Variants in MCC observed in about 807,000 individuals in gnomAD.
The protein encoded by MCC is colorectal mutant cancer protein.
In MCC, 90 loss-of-function variants were observed where a neutral mutation model predicts 116.2. The observed-to-expected ratio is 0.77, with a 90% CI of 0.65 to 0.92. MCC has a LOEUF of 0.92. MCC is among the 40% of genes least tolerant of loss of function. The pLI is 0.00. For synonymous variants in MCC, 578 were observed against 510.5 expected (o/e 1.13, Z -1.78); for missense variants, 1,516 against 1,312.2 (o/e 1.16, Z -2.40).
intron 3 of MCC, among the ~76,000 whole-genome samples, chr5:113,185,776 T>G (rs1482152400): frequency 6.6e-6 from 1 of 152,064 alleles, no homozygotes; most frequent in African/African-American, 2.4e-5. Context: ...TTAAAGAGAT[T>G]TAGGAATTCT....
At chr5:113,116,219 T>C (rs921869024) in intron 6 of MCC, among the ~76,000 whole-genome samples, 6 of 152,210 alleles carry the variant, frequency 3.9e-5, no homozygotes, top group African/African-American at 1.4e-4. Flanking sequence ...TGAGAGGATT[T>C]CCACGCCACC....
At chr5:113,436,426 G>C (rs763780289) in intron 1 of MCC, 3 of 152,194 alleles carry the variant, frequency 2.0e-5, no homozygotes, top group Non-Finnish European at 4.4e-5. Context: ...TAGAAAGTAG[G>C]GGTCAGGCAG....
At chr5:113,218,937 C>T (rs751123596) in intron 3 of MCC, among the ~76,000 whole-genome samples, 1 of 152,128 alleles carries the variant, frequency 6.6e-6, no homozygotes, top group Non-Finnish European at 1.5e-5. Context: ...TTCTCAACAT[C>T]GTATGGATAA....
chr5:113,081,613 A>G (rs1754862463), intron 11 of MCC, among the ~76,000 whole-genome samples: 1 of 152,196 alleles, frequency 6.6e-6, no homozygotes, highest in Non-Finnish European at 1.5e-5. Context: ...ACTTCATTAA[A>G]TTGCAAAGGG....
intron 3 of MCC, among the ~76,000 whole-genome samples, chr5:113,331,142 T>C (rs549716530): frequency 1.3e-5 from 2 of 148,150 alleles, no homozygotes; most frequent in African/African-American, 5.3e-5. Context: ...TGTGGAGAGG[T>C]TCTGGGTTCC....
At position 113,184,821 on chromosome 5, in the gene MCC, C is replaced by T. The variant is rs1290856098; in HGVS notation, c.628-33399G>A. Among the ~76,000 whole-genome samples, 3 of 152,250 alleles carry T rather than the reference C, an allele frequency of 2.0e-5. No individual in the cohort carries two copies. In the Middle Eastern group the frequency reaches 0.01, roughly 518 times the overall value. ...GTTAGAAGGCTAACAGCTTCAACTTCGCATCTCCAATTCTATAATTACCAA... is the reference window on the plus strand; with the variant it reads ...GTTAGAAGGCTAACAGCTTCAACTTTGCATCTCCAATTCTATAATTACCAA... On this transcript the variant is annotated intron_variant, in intron 3 of 18. Coordinates refer to ENST00000408903, the MANE Select transcript of MCC (RefSeq NM_001085377.2).
intron 3 of MCC, among the ~76,000 whole-genome samples, chr5:113,237,951 T>C (rs780846070): frequency 3.9e-4 from 59 of 152,156 alleles, no homozygotes; most frequent in Non-Finnish European, 5.0e-4. Flanking sequence ...TTTGGGGAGC[T>C]GGGGAGGGAA....
intron 6 of MCC, among the ~76,000 whole-genome samples, chr5:113,111,343 A>G (rs1388842984): frequency 6.6e-6 from 1 of 152,092 alleles, no homozygotes; most frequent in African/African-American, 2.4e-5. Context: ...AAAGCTCAGC[A>G]CGTTAGGTTC....
intron 17 of MCC, among the ~76,000 whole-genome samples, chr5:113,039,076 T>G (rs947446023): frequency 2.6e-5 from 4 of 151,942 alleles, no homozygotes; most frequent in African/African-American, 7.3e-5. Context: ...CTGGGTAGAG[T>G]GAAAGGCGAG....
intron 13 of MCC, among the ~76,000 whole-genome samples, chr5:113,064,789 G>T (rs1240222349): frequency 6.6e-6 from 1 of 152,144 alleles, no homozygotes; most frequent in Non-Finnish European, 1.5e-5. Flanking sequence ...AGAACATCAG[G>T]GTGTGGTGGG....
intron 8 of MCC, among the ~76,000 whole-genome samples, chr5:113,087,920 T>C (rs1755317741): frequency 6.6e-6 from 1 of 152,234 alleles, no homozygotes; most frequent in African/African-American, 2.4e-5. Context: ...GTGGAAAATG[T>C]AGATGACACT....
intron 3 of MCC, among the ~76,000 whole-genome samples, chr5:113,256,697 G>A (rs1452300044): frequency 1.3e-5 from 2 of 152,166 alleles, no homozygotes; most frequent in African/African-American, 4.8e-5. Context: ...AAGCCTGAGA[G>A]ACATCCAAAC....
At chr5:113,284,081 A>G (rs560099799) in intron 3 of MCC, among the ~76,000 whole-genome samples, 1 of 152,362 alleles carries the variant, frequency 6.6e-6, no homozygotes, top group South Asian at 2.1e-4. Context: ...TAATTGACTT[A>G]TGTTATCAGT....
intron 8 of MCC, among the ~76,000 whole-genome samples, chr5:113,089,069 C>A (rs1329203672): frequency 6.6e-6 from 1 of 152,160 alleles, no homozygotes. Context: ...CATTCAGCAC[C>A]CTTCACAGCC....
At chr5:113,487,960 C>T (rs1037521616) in intron 1 of MCC, among the ~76,000 whole-genome samples, 1 of 152,144 alleles carries the variant, frequency 6.6e-6, no homozygotes, top group Admixed American at 6.5e-5. Flanking sequence ...GAAGAACACT[C>T]CAAGCCCCCG....
chr5:113,126,914 G>A (rs2150273759), intron 5 of MCC, among the ~76,000 whole-genome samples: 1 of 152,160 alleles, frequency 6.6e-6, no homozygotes, highest in Non-Finnish European at 1.5e-5. Flanking sequence ...TACATGTGAG[G>A]GTTTGTTACG....
chr5:113,292,511 G>C (rs1766540388), intron 3 of MCC, among the ~76,000 whole-genome samples: 1 of 152,102 alleles, frequency 6.6e-6, no homozygotes, highest in Admixed American at 6.5e-5. Context: ...GGACTACAAA[G>C]CACTCTCAAC....
intron 3 of MCC, among the ~76,000 whole-genome samples, chr5:113,169,996 GC>G (rs1206307657): frequency 1.3e-5 from 2 of 152,096 alleles, no homozygotes; most frequent in Non-Finnish European, 2.9e-5. Context: ...TCTGGGGATG[GC>G]AAGTACATGA....
At chr5:113,189,999 T>C (rs1211646187) in intron 3 of MCC, among the ~76,000 whole-genome samples, 1 of 152,212 alleles carries the variant, frequency 6.6e-6, no homozygotes, top group African/African-American at 2.4e-5. Context: ...CAGGGGCCTG[T>C]GTCCGCCTGA....
Sources: allele counts gnomAD v4.1 joint callset (sites outside exome capture counted in the v4.1 genomes callset), GRCh38; gene constraint gnomAD v4.1.1; transcripts MANE v1.5; gene names NCBI Gene and HGNC (gene_info 2026-07-23, HGNC 2026-07-21).